The following FBXO47 variants were observed in gnomAD, a reference collection of about 807,000 sequenced individuals.
FBXO47 encodes F-box only protein 47.
FBXO47 carries 34 observed loss-of-function variants against 53.9 expected under a neutral mutation model. That is an observed-to-expected ratio of 0.63 (90% CI 0.48 to 0.84). The LOEUF (loss-of-function observed/expected upper bound fraction) is 0.84. Among genes scored for constraint, FBXO47 ranks in the 40% least tolerant of loss-of-function variants. The probability of loss-of-function intolerance (pLI) is 0.00; values close to 1 mark genes in which losing one functional copy is unlikely to be tolerated. For synonymous variants in FBXO47, 165 were observed against 181.6 expected, an observed-to-expected ratio of 0.91 and a Z score of 0.73; for missense variants, 485 against 541.3, an observed-to-expected ratio of 0.90 and a Z score of 1.03.
intron 9 of FBXO47, among the ~76,000 whole-genome samples, chr17:38,941,131 G>A (rs1258360603): frequency 2.0e-5 from 3 of 151,012 alleles, no homozygotes; most frequent in Non-Finnish European, 2.9e-5. Context: ...TCACAGGCAC[G>A]CATGCCACAA....
chr17:38,957,515 T>C (rs1905609658), intron 3 of FBXO47, among the ~76,000 whole-genome samples: 1 of 152,066 alleles, frequency 6.6e-6, no homozygotes. Context: ...ATAGGACACA[T>C]GGAAAAATAC....
intron 5 of FBXO47, 148 bp downstream of exon 5, chr17:38,954,708 T>A: frequency 2.0e-6 from 1 of 501,230 alleles, no homozygotes; most frequent in Non-Finnish European, 3.5e-6. Context: ...CAAACACTAT[T>A]AGATTAATAC....
rs1157562591 is a variant in FBXO47, at chr17:38,962,064, ATATGTG to A, written c.182-23_182-18del. 6.2e-7 allele frequency: 1 copy of A among 1,603,206 alleles called. No individual in the cohort carries two copies. The highest frequency in any genetic ancestry group is 8.5e-7 in the Non-Finnish European group (1 of 1,175,434). ...TATCCTTCACTACCAAAAGAAATAT[ATATGTG>A]TATGTATCAATGGCTTAAATGCAAG... On this transcript the variant is annotated intron_variant, in intron 2 of 10. Transcript: ENST00000378079.
chr17:38,957,107 G>T, intron 4 of FBXO47, 70 bp downstream of exon 4: 1 of 1,017,606 alleles, frequency 9.8e-7, no homozygotes, highest in Non-Finnish European at 1.5e-6. Context: ...AGTAAAATGA[G>T]CATAAGATAA....
At chr17:38,946,422 CTA>C (rs1240505857) in intron 6 of FBXO47, among the ~76,000 whole-genome samples, 2 of 32,952 alleles carry the variant, frequency 6.1e-5, no homozygotes, top group Admixed American at 1.2e-3. Flanking sequence ...ATATATATAA[CTA>C]TATAAATATA....
intron 6 of FBXO47, among the ~76,000 whole-genome samples, chr17:38,948,500 C>T (rs1905050032): frequency 6.6e-6 from 1 of 152,002 alleles, no homozygotes; most frequent in African/African-American, 2.4e-5. Context: ...CAGGTGTGAG[C>T]CACCACGCCC....
chr17:38,954,773 A>G, intron 5 of FBXO47, 83 bp downstream of exon 5: 1 of 722,444 alleles, frequency 1.4e-6, no homozygotes, highest in East Asian at 2.8e-5. Flanking sequence ...AACTTTATTA[A>G]CCTATGAAAA....
Position 38,938,668 on chromosome 17 carries a change from A to G in FBXO47, c.1148T>C (p.Val383Ala), listed in dbSNP as rs1904361500. 1 of 1,613,460 alleles carries G rather than the reference A, an allele frequency of 6.2e-7. No homozygotes were observed. The highest frequency in any genetic ancestry group is 8.5e-7 in the Non-Finnish European group (1 of 1,179,618). The change falls in exon 10 of 11, where the codon GTC (valine) becomes GCC (alanine). Residue 383 changes from valine (V) to alanine (A), a missense_variant. Transcript: ENST00000378079. ...CTTTCTTTCCACTGGAGTGCTAAAG[A>G]CTTTGCAGACTTTTTGCATCATTTT... ...TVKMMQKVCK[V>A]FSTPVERKNF...
intron 4 of FBXO47, 144 bp downstream of exon 4, chr17:38,957,033 G>T (rs1045689534): frequency 7.6e-6 from 4 of 524,342 alleles, no homozygotes; most frequent in Non-Finnish European, 1.0e-5. Flanking sequence ...GAAGTACTTG[G>T]TAAAGTATTA....
chr17:38,954,030 C>T (rs953438653), intron 5 of FBXO47, among the ~76,000 whole-genome samples: 10 of 152,028 alleles, frequency 6.6e-5, no homozygotes, highest in South Asian at 6.2e-4. Flanking sequence ...TGGTTGCTCA[C>T]GCCTGTAATC....
chr17:38,964,377 C>A (rs1905982341), intron 1 of FBXO47, among the ~76,000 whole-genome samples: 1 of 152,102 alleles, frequency 6.6e-6, no homozygotes, highest in Non-Finnish European at 1.5e-5. Context: ...GGGTGGATCA[C>A]CTGAGGTCAG....
chr17:38,939,962 C>T (rs1185011953), intron 9 of FBXO47, among the ~76,000 whole-genome samples: 3 of 152,022 alleles, frequency 2.0e-5, no homozygotes, highest in East Asian at 1.9e-4. Flanking sequence ...CCACCGCGCC[C>T]GGCCAAGGTT....
At chr17:38,948,913 G>T (rs1178361469) in intron 6 of FBXO47, among the ~76,000 whole-genome samples, 1 of 150,940 alleles carries the variant, frequency 6.6e-6, no homozygotes, top group Middle Eastern at 3.4e-3. Flanking sequence ...TTGCCCCCAT[G>T]CCCCCATCAC....
At chr17:38,962,637 ATAG>A (rs1905869021) in intron 2 of FBXO47, among the ~76,000 whole-genome samples, 1 of 148,048 alleles carries the variant, frequency 6.8e-6, no homozygotes, top group Non-Finnish European at 1.5e-5. Context: ...AATAATAATA[ATAG>A]TAATAATAAT....
intron 3 of FBXO47, among the ~76,000 whole-genome samples, chr17:38,958,356 T>C (rs958417914): frequency 2.0e-5 from 3 of 151,834 alleles, no homozygotes; most frequent in East Asian, 1.9e-4. Context: ...ATTTTTTTTT[T>C]CCCCACAGAA....
At chr17:38,963,802 G>GA (rs1555562669) in intron 1 of FBXO47, among the ~76,000 whole-genome samples, 1 of 128,638 alleles carries the variant, frequency 7.8e-6, no homozygotes, top group Non-Finnish European at 1.6e-5. Flanking sequence ...TTGTTTTGTT[G>GA]TTTTTTTTTT....
In FBXO47 at chr17:38,957,251, G is replaced by C. The variant is rs1905598255; in HGVS notation, c.355C>G (p.Leu119Val). 1.2e-6 allele frequency: 2 copies of C among 1,605,232 alleles called. No homozygotes were observed. Among genetic ancestry groups the C allele is most frequent in the Non-Finnish European group, 1.7e-6 (2 of 1,172,956 alleles). The change falls in exon 4 of 11, where the codon CTA becomes GTA. Residue 119 changes from leucine (L) to valine (V), a missense_variant and splice_region_variant. Coordinates refer to ENST00000378079, the MANE Select transcript of FBXO47 (RefSeq NM_001008777.3). ...AGCAATGTGCATCTTTTAAACAGTAGACCTAAGAAAGTAAAGAGACATAAG... is the reference window on the plus strand; with the variant it reads ...AGCAATGTGCATCTTTTAAACAGTACACCTAAGAAAGTAAAGAGACATAAG... Reference protein sequence around the residue: ...AILEHYRSLGLLFKRCTLLLP... With the variant: ...AILEHYRSLGVLFKRCTLLLP...
At chr17:38,960,352 G>T (rs909052191) in intron 3 of FBXO47, among the ~76,000 whole-genome samples, 2 of 151,858 alleles carry the variant, frequency 1.3e-5, no homozygotes, top group Non-Finnish European at 2.9e-5. Flanking sequence ...TTTACTTAAA[G>T]AATTAGTCAT....
At chr17:38,956,228 G>T (rs1365732783) in intron 4 of FBXO47, among the ~76,000 whole-genome samples, 1 of 152,110 alleles carries the variant, frequency 6.6e-6, no homozygotes, top group African/African-American at 2.4e-5. Flanking sequence ...TAATGAATTG[G>T]ATGACAGAAA....
Sources: allele counts gnomAD v4.1 joint callset (sites outside exome capture counted in the v4.1 genomes callset), GRCh38; gene constraint gnomAD v4.1.1; transcripts MANE v1.5; gene names NCBI Gene and HGNC (gene_info 2026-07-23, HGNC 2026-07-21).